SPATA17: variants seen among roughly 807,000 people sequenced by gnomAD.
The protein encoded by SPATA17 is spermatogenesis associated 17, also known as spermatogenesis-associated protein 17.
SPATA17 carries 53 observed loss-of-function variants against 62.2 expected under a neutral mutation model. That is an observed-to-expected ratio of 0.85 (90% CI 0.68 to 1.07). The LOEUF (loss-of-function observed/expected upper bound fraction) is 1.07, where lower values mean the gene tolerates loss of function less well. SPATA17 is among the 50% of genes least tolerant of loss of function. SPATA17 has a pLI of 0.00. For missense variants in SPATA17, 466 were observed against 425.5 expected, an observed-to-expected ratio of 1.10 and a Z score of -0.84; for synonymous variants, 146 against 146.8, an observed-to-expected ratio of 0.99 and a Z score of 0.04.
intron 3 of SPATA17, among the ~76,000 whole-genome samples, chr1:217,652,462 G>A (rs1031433097): frequency 1.3e-5 from 2 of 152,084 alleles, no homozygotes; most frequent in Admixed American, 6.6e-5. Context: ...TCAAACTCCT[G>A]ACCTCAGATG....
At position 217,788,515 on chromosome 1, in the gene SPATA17, G is replaced by C. The variant is rs548773969; in HGVS notation, c.872+6193G>C. Among the ~76,000 whole-genome samples, 4 of 152,116 alleles carry C rather than the reference G, an allele frequency of 2.6e-5. No homozygotes were observed. The South Asian group carries it at 6.2e-4, about 24-fold the overall frequency. On this transcript the variant is annotated intron_variant, in intron 8 of 10. Coordinates refer to ENST00000366933, the MANE Select transcript of SPATA17 (RefSeq NM_138796.4). ...AGATTATCCTAGATTATCAGAGTGC[G>C]GCCAGTTTTGTAATTCAAAGGTCCT...
At chr1:217,714,817 AAT>A (rs1671965534) in intron 5 of SPATA17, among the ~76,000 whole-genome samples, 1 of 152,158 alleles carries the variant, frequency 6.6e-6, no homozygotes, top group African/African-American at 2.4e-5. Context: ...AGAGCTATTC[AAT>A]AATAGTCTGA....
At chr1:217,634,794 A>C (rs1018487400) in intron 1 of SPATA17, among the ~76,000 whole-genome samples, 3 of 152,192 alleles carry the variant, frequency 2.0e-5, no homozygotes, top group Non-Finnish European at 4.4e-5. Flanking sequence ...GACAGCTTGA[A>C]GGTTAGAAGC....
chr1:217,773,998 G>A (rs949971307), intron 6 of SPATA17, among the ~76,000 whole-genome samples: 26 of 152,134 alleles, frequency 1.7e-4, no homozygotes, highest in Non-Finnish European at 2.9e-5. Context: ...CATACAGTTA[G>A]AATACAAAAT....
intron 6 of SPATA17, among the ~76,000 whole-genome samples, chr1:217,748,052 C>T (rs1210323967): frequency 6.6e-6 from 1 of 152,034 alleles, no homozygotes; most frequent in Non-Finnish European, 1.5e-5. Flanking sequence ...GCCTGTAATT[C>T]CAGCACTTTG....
intron 7 of SPATA17, among the ~76,000 whole-genome samples, chr1:217,778,100 G>T (rs1172490789): frequency 6.6e-6 from 1 of 152,044 alleles, no homozygotes; most frequent in East Asian, 1.9e-4. Context: ...ATTCTATCAA[G>T]AAAATAATAA....
intron 9 of SPATA17, among the ~76,000 whole-genome samples, chr1:217,856,122 A>G (rs914268530): frequency 3.6e-4 from 55 of 152,200 alleles, no homozygotes; most frequent in African/African-American, 1.3e-3. Context: ...ATATACCCAC[A>G]TTGAAATAAA....
intron 6 of SPATA17, among the ~76,000 whole-genome samples, chr1:217,752,116 T>C (rs1248859892): frequency 6.6e-6 from 1 of 152,130 alleles, no homozygotes; most frequent in Admixed American, 6.5e-5. Context: ...ATAGCTTGAA[T>C]TTGTGGGCTC....
chr1:217,723,701 A>T (rs1283264974), intron 5 of SPATA17, among the ~76,000 whole-genome samples: 1 of 152,194 alleles, frequency 6.6e-6, no homozygotes, highest in East Asian at 1.9e-4. Flanking sequence ...CCTAACTGTG[A>T]TCTAGGCCAA....
chr1:217,828,099 C>G (rs753350076), intron 9 of SPATA17, among the ~76,000 whole-genome samples: 1 of 151,938 alleles, frequency 6.6e-6, no homozygotes, highest in Admixed American at 6.6e-5. Context: ...TTGTATGGAA[C>G]CACAAAAGAA....
intron 9 of SPATA17, among the ~76,000 whole-genome samples, chr1:217,833,371 A>G (rs1197805868): frequency 1.3e-5 from 2 of 152,182 alleles, no homozygotes; most frequent in African/African-American, 4.8e-5. Flanking sequence ...TGTAAAAATG[A>G]TTCTCTACAG....
At chr1:217,653,900 A>C (rs1168427612) in intron 3 of SPATA17, among the ~76,000 whole-genome samples, 1 of 152,160 alleles carries the variant, frequency 6.6e-6, no homozygotes, top group African/African-American at 2.4e-5. Context: ...ATTCTATCCA[A>C]ACTTAATTTA....
intron 5 of SPATA17, among the ~76,000 whole-genome samples, chr1:217,710,878 G>T (rs1671846168): frequency 6.6e-6 from 1 of 151,820 alleles, no homozygotes; most frequent in Non-Finnish European, 1.5e-5. Flanking sequence ...CTACTTTCTG[G>T]CTCTATAAAT....
In SPATA17 at chr1:217,631,367, G is replaced by A. The variant is rs1457338792; in HGVS notation, c.-12G>A. On this transcript the variant is annotated 5_prime_UTR_variant, in exon 1 of 11. Transcript: ENST00000366933. Reference sequence around the variant, plus strand: ...GTAGTAACACCAGTTGTAAACCCAAGGCCAAGAGACCATGGCCACGTTAGC... The same window carrying A: ...GTAGTAACACCAGTTGTAAACCCAAAGCCAAGAGACCATGGCCACGTTAGC... The A allele has an allele frequency of 6.2e-7, 1 of 1,614,102 alleles. No individual in the cohort carries two copies. Among genetic ancestry groups the A allele is most frequent in the Non-Finnish European group, 8.5e-7 (1 of 1,180,010 alleles).
chr1:217,838,882 A>C (rs1412912588), intron 9 of SPATA17, among the ~76,000 whole-genome samples: 1 of 152,158 alleles, frequency 6.6e-6, no homozygotes, highest in African/African-American at 2.4e-5. Context: ...ATCATTATAC[A>C]ATCATAGAAG....
intron 8 of SPATA17, among the ~76,000 whole-genome samples, chr1:217,798,481 T>G (rs1400455980): frequency 6.6e-6 from 1 of 152,248 alleles, no homozygotes; most frequent in Non-Finnish European, 1.5e-5. Context: ...AGTCTTGTAT[T>G]TATTTTATAA....
In SPATA17 at chr1:217,821,390, C is replaced by T. The variant is rs1400989826; in HGVS notation, c.1005+19540C>T. On this transcript the variant is annotated intron_variant, in intron 9 of 10. Transcript: ENST00000366933. Reference sequence around the variant, plus strand: ...AGGAAGGCTAAGAGAATATGCTTATCAAAAAAGTCAAGGAAAGATAATGCA... The same window carrying T: ...AGGAAGGCTAAGAGAATATGCTTATTAAAAAAGTCAAGGAAAGATAATGCA... Among the ~76,000 whole-genome samples, 5 of 151,900 alleles carry T rather than the reference C, an allele frequency of 3.3e-5. No homozygotes were observed. In the East Asian group the frequency reaches 7.8e-4, roughly 24 times the overall value.
intron 5 of SPATA17, among the ~76,000 whole-genome samples, chr1:217,691,244 TG>T (rs1010398483): frequency 7.1e-6 from 1 of 141,706 alleles, no homozygotes; most frequent in African/African-American, 2.7e-5. Context: ...TGGCCAGTGA[TG>T]ATGAGCATTT....
chr1:217,659,768 A>T (rs970388596), intron 3 of SPATA17, among the ~76,000 whole-genome samples: 3 of 152,158 alleles, frequency 2.0e-5, no homozygotes, highest in African/African-American at 4.8e-5. Context: ...GAACCCTGAG[A>T]AACAGTCATC....
Sources: allele counts gnomAD v4.1 joint callset (sites outside exome capture counted in the v4.1 genomes callset), GRCh38; gene constraint gnomAD v4.1.1; transcripts MANE v1.5; gene names NCBI Gene and HGNC (gene_info 2026-07-23, HGNC 2026-07-21).